Variants in ITPR1 observed in about 807,000 individuals in gnomAD.
ITPR1 encodes inositol 1,4,5-trisphosphate receptor type 1.
A neutral mutation model predicts 318.4 loss-of-function variants in ITPR1; 96 were observed. The observed-to-expected ratio is 0.30, with a 90% CI of 0.26 to 0.36. The LOEUF is 0.36. Ranked by LOEUF, ITPR1 falls within the 10% of genes least tolerant of loss-of-function variation. The pLI is 1.00. For missense variants in ITPR1, 2,440 were observed against 3,460.2 expected (o/e 0.71, Z 7.40); for synonymous variants, 1,312 against 1,289.9 (o/e 1.02, Z -0.37).
intron 4 of ITPR1, among the ~76,000 whole-genome samples, chr3:4,620,320 A>T (rs1336241721): frequency 2.0e-5 from 3 of 152,134 alleles, no homozygotes; most frequent in African/African-American, 7.2e-5. Context: ...TTCTCCCAAG[A>T]TTTAGTCTCC....
chr3:4,520,988 T>C (rs2124927353), intron 3 of ITPR1, 36 bp from the exon 4 acceptor site: 2 of 1,527,002 alleles, frequency 1.3e-6, no homozygotes, highest in Non-Finnish European at 1.8e-6. Context: ...TTCATTTTCA[T>C]ACACTTGACA....
intron 29 of ITPR1, 103 bp downstream of exon 29, chr3:4,684,449 C>A: frequency 1.2e-6 from 1 of 817,166 alleles, no homozygotes; most frequent in Non-Finnish European, 2.0e-6. Flanking sequence ...GAGCTTTTTT[C>A]TTCATGTGGT....
chr3:4,707,881 C>T (rs960001320), intron 37 of ITPR1, among the ~76,000 whole-genome samples: 1 of 152,144 alleles, frequency 6.6e-6, no homozygotes, highest in Admixed American at 6.5e-5. Flanking sequence ...TTCATCAGCT[C>T]CATGCTAGGC....
intron 49 of ITPR1, among the ~76,000 whole-genome samples, chr3:4,780,749 C>T (rs1041169215): frequency 2.6e-5 from 4 of 152,156 alleles, no homozygotes; most frequent in Admixed American, 6.6e-5. Context: ...GTTTACATAA[C>T]AAGCTTATGT....
intron 4 of ITPR1, among the ~76,000 whole-genome samples, chr3:4,569,607 T>G (rs945993865): frequency 1.2e-4 from 18 of 152,180 alleles, no homozygotes; most frequent in Non-Finnish European, 2.6e-4. Context: ...TTTTGTGTAG[T>G]AAGAGGGATC....
chr3:4,646,865 C>T (rs2093469963), intron 10 of ITPR1, among the ~76,000 whole-genome samples: 1 of 152,104 alleles, frequency 6.6e-6, no homozygotes, highest in Non-Finnish European at 1.5e-5. Context: ...TTTTCTGTCT[C>T]TGCTTGCGTT....
intron 16 of ITPR1, 141 bp downstream of exon 16, chr3:4,663,347 G>T: frequency 1.6e-6 from 1 of 643,962 alleles, no homozygotes; most frequent in Non-Finnish European, 2.5e-6. Flanking sequence ...AGGTTGCAGT[G>T]AGCTGATCGC....
intron 4 of ITPR1, among the ~76,000 whole-genome samples, chr3:4,586,924 C>T (rs4684423): frequency 0.2 from 29,841 of 151,980 alleles, 4,067 homozygotes; most frequent in East Asian, 0.41. Context: ...CTTGTTCATA[C>T]ACCTCTTAGG....
chr3:4,688,886 C>T (rs2094438369), intron 31 of ITPR1, among the ~76,000 whole-genome samples: 1 of 152,208 alleles, frequency 6.6e-6, no homozygotes, highest in African/African-American at 2.4e-5. Context: ...TCAAGTCCTT[C>T]ATTGTATCAA....
chr3:4,531,458 C>T (rs762591207), intron 4 of ITPR1, among the ~76,000 whole-genome samples: 2 of 152,086 alleles, frequency 1.3e-5, no homozygotes, highest in South Asian at 2.1e-4. Flanking sequence ...CCGTTTACTG[C>T]GGCTAGGGGA....
Position 4,826,824 on chromosome 3 carries a change from G to A in ITPR1, c.8028+8582G>A, listed in dbSNP as rs945537064. 3.9e-5 allele frequency among the ~76,000 whole-genome samples: 6 copies of A among 152,172 alleles called. No individual in the cohort carries two copies. The highest frequency in any genetic ancestry group is 1.3e-4 in the Admixed American group (2 of 15,280). ...TCCTACATTCTGACCTTCGTGGAGG[G>A]TGTGCCAGGTGCCGTTTGTAACAAT... On this transcript the variant is annotated intron_variant, in intron 60 of 61. Coordinates refer to ENST00000649015, the MANE Select transcript of ITPR1 (RefSeq NM_001378452.1). The surrounding 1 kb of genome is among the most constrained non-coding windows in gnomAD (Gnocchi z 4.2).
rs956659396 is a variant in ITPR1 at position 4,826,166 on chromosome 3, C to T, written c.8028+7924C>T. On this transcript the variant is annotated intron_variant, in intron 60 of 61. Transcript: ENST00000649015. The surrounding 1 kb of genome is among the most constrained non-coding windows in gnomAD (Gnocchi z 4.2). ...AAAGTGCCGTGGACACCTTCTGCTTCGTGCAGATGCACGATGATGGGTTTG... is the reference window on the plus strand; with the variant it reads ...AAAGTGCCGTGGACACCTTCTGCTTTGTGCAGATGCACGATGATGGGTTTG... Among the ~76,000 whole-genome samples, 11 of 152,256 alleles carry T rather than the reference C, an allele frequency of 7.2e-5. No individual in the cohort carries two copies. Among genetic ancestry groups the T allele is most frequent in the Non-Finnish European group, 1.5e-4 (10 of 68,038 alleles).
At chr3:4,704,242 A>G (rs529981109) in intron 36 of ITPR1, among the ~76,000 whole-genome samples, 5 of 152,070 alleles carry the variant, frequency 3.3e-5, no homozygotes, top group African/African-American at 4.8e-5. Context: ...GAGAAACCCC[A>G]TCTCTACTAA....
chr3:4,702,688 C>T, intron 35 of ITPR1, 142 bp from the exon 36 acceptor site: 1 of 876,120 alleles, frequency 1.1e-6, no homozygotes, highest in Non-Finnish European at 1.8e-6. Context: ...CTCACCCTTG[C>T]CTCAGGGTCC....
chr3:4,637,994 G>A (rs1326152623), intron 5 of ITPR1, among the ~76,000 whole-genome samples: 2 of 152,082 alleles, frequency 1.3e-5, no homozygotes, highest in African/African-American at 4.8e-5. Context: ...TGATCTCTAC[G>A]ATGGCCCTAA....
intron 4 of ITPR1, among the ~76,000 whole-genome samples, chr3:4,615,177 C>G (rs1182339050): frequency 6.6e-6 from 1 of 152,180 alleles, no homozygotes; most frequent in African/African-American, 2.4e-5. Context: ...TCCTGGACCT[C>G]TGACCCAGTT....
Position 4,775,284 on chromosome 3 carries a change from G to A in ITPR1, c.6022G>A (p.Val2008Ile), listed in dbSNP as rs2046418840. 6.2e-7 allele frequency: 1 copy of A among 1,614,010 alleles called. No individual in the cohort carries two copies. Among genetic ancestry groups the A allele is most frequent in the African/African-American group, 1.3e-5 (1 of 74,918 alleles). ...AAATAACAAGACCAACTACAATTTG[G>A]TATGTGAGACCCTGCAGTTTCTGGA... is the stretch of plus-strand genomic sequence containing the variant. ...CQNNKTNYNLVCETLQFLDCI... is the reference protein window; with the variant it reads ...CQNNKTNYNLICETLQFLDCI... The change falls in exon 47 of 62, where the codon GTA (valine) becomes ATA (isoleucine). Residue 2008 changes from valine (V) to isoleucine (I), a missense_variant. Around this residue, in one of 23 missense-constraint regions of ITPR1, gnomAD observed 76 missense variants for 162.1 expected, o/e 0.47. Coordinates refer to ENST00000649015, the MANE Select transcript of ITPR1 (RefSeq NM_001378452.1).
rs1163083699 is a variant in ITPR1 at position 4,710,029 on chromosome 3, AT to A, written c.4843-290del. Among the ~76,000 whole-genome samples, 2 of 152,170 alleles carry A rather than the reference AT, an allele frequency of 1.3e-5. No homozygotes were observed. The highest frequency in any genetic ancestry group is 2.1e-4 in the South Asian group (1 of 4,820). On this transcript the variant is annotated intron_variant, in intron 37 of 61. Transcript: ENST00000649015. The surrounding 1 kb of genome is among the most constrained non-coding windows in gnomAD (Gnocchi z 4.2). ...GACATCTTTCCATGTTGTTAAATTG[AT>A]TTTTTGCGTCATATTTTAAGCTACA... is the stretch of plus-strand genomic sequence containing the variant.
chr3:4,787,325 G>A lies in ITPR1; in HGVS notation c.6616-622G>A, dbSNP rs185574090. Among the ~76,000 whole-genome samples the A allele has an allele frequency of 7.6e-5, 6 of 78,546 alleles. No homozygotes were observed. The East Asian group carries it at 1.0e-3, about 13-fold the overall frequency. The allele number at this position is 78,546 out of a possible 152,430, so 51.5% of individuals were successfully genotyped here. On this transcript the variant is annotated intron_variant, in intron 51 of 61. Transcript: ENST00000649015. ...CATACTCCAGCCTGGACAACAAAAC[G>A]AGACTCCATCTCAAAAAAAAAAAAA...
Sources: gnomAD v4.1 joint callset for allele counts (sites outside exome capture counted in the v4.1 genomes callset) on GRCh38, gnomAD v4.1.1 for gene constraint, gnomAD v4.1.1 regional missense constraint, Gnocchi (gnomAD v3.1) non-coding constraint, MANE v1.5 for transcripts, NCBI Gene and HGNC (gene_info 2026-07-23, HGNC 2026-07-21) for gene names.